Variants in SKIC2 observed in about 807,000 individuals in gnomAD.
SKIC2 encodes superkiller complex protein 2.
At chr6:31,969,609 G>A in the SKIC2 span, 14 of 1,613,196 alleles carry the variant, frequency 8.7e-6, no homozygotes, top group Non-Finnish European at 1.2e-5. The surrounding 1 kb of genome is among the most constrained non-coding windows in gnomAD (Gnocchi z 6.1). Context: ...TCACTGCGGG[G>A]GGCAGCCCGC....
chr6:31,967,751 C>T, the SKIC2 span: 4 of 1,612,978 alleles, frequency 2.5e-6, no homozygotes, highest in African/African-American at 5.3e-5. The surrounding 1 kb of genome is among the most constrained non-coding windows in gnomAD (Gnocchi z 4.9). Context: ...ATTCACAACC[C>T]TGGTCTTGTG....
the SKIC2 span, chr6:31,967,610 C>T: frequency 7.5e-7 from 1 of 1,334,216 alleles, no homozygotes; most frequent in Non-Finnish European, 1.1e-6. This position sits in a 1 kb window ranked among gnomAD's most constrained non-coding sequence, Gnocchi z 4.9. Flanking sequence ...CTGGTGAGCT[C>T]TGCATGGTTG....
the SKIC2 span, chr6:31,969,601 A>G: frequency 1.2e-6 from 2 of 1,613,376 alleles, no homozygotes; most frequent in Non-Finnish European, 1.7e-6. This position sits in a 1 kb window ranked among gnomAD's most constrained non-coding sequence, Gnocchi z 6.1. Flanking sequence ...TGTGTCGCTC[A>G]CTGCGGGGGG....
At chr6:31,960,422 C>T in the SKIC2 span, 121 of 1,610,642 alleles carry the variant, frequency 7.5e-5, no homozygotes, top group Non-Finnish European at 1.0e-4. Context: ...GCTCTGATCT[C>T]TTGCCTTAGG....
At chr6:31,968,699 G>A in the SKIC2 span, 3 of 1,612,558 alleles carry the variant, frequency 1.9e-6, no homozygotes, top group Admixed American at 1.7e-5. The surrounding 1 kb of genome is among the most constrained non-coding windows in gnomAD (Gnocchi z 6.1). Flanking sequence ...CTGAAGCTGC[G>A]GGAGCGAATG....
chr6:31,960,563 T>C, the SKIC2 span: 4 of 1,592,744 alleles, frequency 2.5e-6, no homozygotes, highest in Non-Finnish European at 3.4e-6. Context: ...CTTGTGGAGA[T>C]GGGATGGTAG....
chr6:31,960,949 C>T, the SKIC2 span: 1 of 1,014,658 alleles, frequency 9.9e-7, no homozygotes, highest in Admixed American at 1.7e-5. Context: ...TCTACAGCAT[C>T]TGTCCTGTAA....
At chr6:31,968,913 A>C in the SKIC2 span, 1 of 1,612,976 alleles carries the variant, frequency 6.2e-7, no homozygotes, top group South Asian at 1.1e-5. The surrounding 1 kb of genome is among the most constrained non-coding windows in gnomAD (Gnocchi z 6.1). Context: ...GGGCACTGTG[A>C]AGCTGGCAGG....
chr6:31,959,644 G>C, the SKIC2 span: 2 of 556,882 alleles, frequency 3.6e-6, no homozygotes, highest in African/African-American at 3.8e-5. Context: ...TCTCCGTGGA[G>C]CTCCCTTCTG....
the SKIC2 span, chr6:31,960,504 C>T: frequency 1.9e-6 from 3 of 1,614,040 alleles, no homozygotes; most frequent in Non-Finnish European, 2.5e-6. Flanking sequence ...GCCAGCCTCC[C>T]AGTCCTTATG....
At chr6:31,960,873 G>A in the SKIC2 span, 2 of 905,912 alleles carry the variant, frequency 2.2e-6, no homozygotes, top group Admixed American at 4.5e-5. Context: ...ACTGTCATCT[G>A]CTGGGAAATT....
the SKIC2 span, chr6:31,964,190 TC>T: frequency 2.5e-6 from 4 of 1,608,598 alleles, no homozygotes; most frequent in African/African-American, 1.3e-5. This position sits in a 1 kb window ranked among gnomAD's most constrained non-coding sequence, Gnocchi z 5.0. Flanking sequence ...GATAGGGTGT[TC>T]CGAGACTCCA....
the SKIC2 span, chr6:31,960,183 A>G: frequency 8.1e-6 from 13 of 1,608,906 alleles, no homozygotes; most frequent in Non-Finnish European, 1.1e-5. Flanking sequence ...GGACAGAGGA[A>G]GAAAGAAGAC....
the SKIC2 span, chr6:31,963,147 C>A: frequency 8.1e-7 from 1 of 1,234,096 alleles, no homozygotes; most frequent in Non-Finnish European, 1.2e-6. The surrounding 1 kb of genome is among the most constrained non-coding windows in gnomAD (Gnocchi z 5.3). Flanking sequence ...CTCCTTGATT[C>A]GGGTGGGGGA....
the SKIC2 span, chr6:31,960,242 C>T: frequency 1.2e-6 from 2 of 1,612,946 alleles, no homozygotes; most frequent in African/African-American, 1.3e-5. Flanking sequence ...GAAGACGGAT[C>T]CCTGGTCTCT....
At chr6:31,964,611 C>T in the SKIC2 span, among the ~76,000 whole-genome samples, 1 of 152,068 alleles carries the variant, frequency 6.6e-6, no homozygotes. The surrounding 1 kb of genome is among the most constrained non-coding windows in gnomAD (Gnocchi z 5.0). Context: ...GAAAAGAAAC[C>T]CAGGAAGCTA....
the SKIC2 span, chr6:31,967,352 A>G: frequency 6.2e-7 from 1 of 1,612,652 alleles, no homozygotes. This position sits in a 1 kb window ranked among gnomAD's most constrained non-coding sequence, Gnocchi z 4.9. Flanking sequence ...CAGGAGCATC[A>G]CAACGCATTG....
At chr6:31,969,535 G>T in the SKIC2 span, 3 of 1,613,616 alleles carry the variant, frequency 1.9e-6, no homozygotes, top group South Asian at 2.2e-5. The surrounding 1 kb of genome is among the most constrained non-coding windows in gnomAD (Gnocchi z 6.1). Flanking sequence ...AGTTGGCAGG[G>T]CTCTCAGGGA....
chr6:31,961,936 A>C, the SKIC2 span: 1 of 1,613,096 alleles, frequency 6.2e-7, no homozygotes, highest in Non-Finnish European at 8.5e-7. Context: ...TGTGTTTCAG[A>C]AACAGGCCAT....
Sources: gnomAD v4.1 joint callset for allele counts (sites outside exome capture counted in the v4.1 genomes callset) on GRCh38, gnomAD v4.1.1 for gene constraint, Gnocchi (gnomAD v3.1) non-coding constraint, MANE v1.5 for transcripts, NCBI Gene and HGNC (gene_info 2026-07-23, HGNC 2026-07-21) for gene names.